Variants in SLC25A18 observed in about 807,000 individuals in gnomAD.
The protein encoded by SLC25A18 is mitochondrial glutamate carrier 2.
In SLC25A18, 24 loss-of-function variants were observed where a neutral mutation model predicts 31.1. The observed-to-expected ratio is 0.77, with a 90% CI of 0.56 to 1.08. SLC25A18 has a LOEUF of 1.08. Ranked by LOEUF, SLC25A18 falls within the 50% of genes least tolerant of loss-of-function variation. SLC25A18 has a pLI of 0.00. For synonymous variants in SLC25A18, 173 were observed against 161.9 expected (o/e 1.07, Z -0.52); for missense variants, 371 against 418.5 (o/e 0.89, Z 0.99).
intron 6 of SLC25A18, 139 bp from the exon 7 acceptor site, chr22:17,583,277 G>T (rs890379541): frequency 5.0e-6 from 5 of 1,000,034 alleles, no homozygotes; most frequent in Non-Finnish European, 7.5e-6. Flanking sequence ...ACACCTAAGG[G>T]CTAGCTGATG....
At chr22:17,564,138 C>T (rs116174010) in intron 1 of SLC25A18, among the ~76,000 whole-genome samples, 2,103 of 152,274 alleles carry the variant, frequency 0.014, 63 homozygotes, top group African/African-American at 0.049. Context: ...AAATGCAGCG[C>T]AAGTAATTAT....
At chr22:17,589,898 G>T (rs2057670083) in intron 10 of SLC25A18, among the ~76,000 whole-genome samples, 197 bp from the exon 11 acceptor site, 2 of 152,148 alleles carry the variant, frequency 1.3e-5, no homozygotes, top group African/African-American at 4.8e-5. Flanking sequence ...TGTTTCCAAG[G>T]CCTTGACCCA....
At chr22:17,585,729 A>G (rs764205955) in intron 7 of SLC25A18, among the ~76,000 whole-genome samples, 2 of 150,326 alleles carry the variant, frequency 1.3e-5, no homozygotes, top group Non-Finnish European at 3.0e-5. Flanking sequence ...GCTCACTACA[A>G]CCTCTGCCTC....
chr22:17,572,497 A>T (rs1347311966), intron 2 of SLC25A18, among the ~76,000 whole-genome samples: 1 of 151,128 alleles, frequency 6.6e-6, no homozygotes, highest in East Asian at 2.0e-4. Context: ...AAAAAAAAAA[A>T]AAGAATCACT....
rs745834962 is a variant in SLC25A18, at chr22:17,590,271, CCTCT to C, written c.*40_*43del. The C allele has an allele frequency of 6.2e-7, 1 of 1,613,316 alleles. No individual in the cohort carries two copies. The highest frequency in any genetic ancestry group is 1.1e-5 in the South Asian group (1 of 91,024). ...GAGGTCAAGTCCCTGCGCTTGCCGC[CCTCT>C]CTCTAGCTGTTTCACTTAGCCTAGA... is the stretch of plus-strand genomic sequence containing the variant. On this transcript the variant is annotated 3_prime_UTR_variant, in exon 11 of 11. Transcript: ENST00000327451.
chr22:17,582,642 C>G lies in SLC25A18; in HGVS notation c.279C>G (p.Leu93=). Residue 93 remains leucine, a synonymous_variant, in exon 6 of 11, where the codon CTC becomes CTG. Transcript: ENST00000327451. ...CCAACGACTTTTTCCGGCGGCTGCTCATGGAAGATGGGTATGGCCAGGTGG... is the reference window on the plus strand; with the variant it reads ...CCAACGACTTTTTCCGGCGGCTGCTGATGGAAGATGGGTATGGCCAGGTGG... The part of the protein sequence containing the change: ...LAANDFFRRL[L]MEDGMQRNLK... The G allele has an allele frequency of 6.2e-7, 1 of 1,602,664 alleles. No individual in the cohort carries two copies. The highest frequency in any genetic ancestry group is 8.5e-7 in the Non-Finnish European group (1 of 1,174,112).
chr22:17,577,344 G>T (rs1391760262), intron 2 of SLC25A18, among the ~76,000 whole-genome samples: 1 of 151,380 alleles, frequency 6.6e-6, no homozygotes, highest in Non-Finnish European at 1.5e-5. Context: ...TTTTAGTAGA[G>T]ATGGGGTTTC....
intron 2 of SLC25A18, among the ~76,000 whole-genome samples, chr22:17,578,223 A>C (rs2057283597): frequency 6.6e-6 from 1 of 152,146 alleles, no homozygotes; most frequent in Non-Finnish European, 1.5e-5. Context: ...CACCCGCCTC[A>C]GCCTCCCAAA....
intron 5 of SLC25A18, chr22:17,582,068 T>C (rs1017894721): frequency 1.3e-5 from 2 of 152,900 alleles, no homozygotes; most frequent in African/African-American, 2.4e-5. Flanking sequence ...AAGAAAAAAA[T>C]ACGTAAAAAG....
At chr22:17,568,587 A>T (rs2057002453) in intron 1 of SLC25A18, among the ~76,000 whole-genome samples, 1 of 98,868 alleles carries the variant, frequency 1.0e-5, no homozygotes, top group African/African-American at 4.2e-5. Context: ...TTTTTGAGAC[A>T]GTCTCACTCT....
At chr22:17,582,315 T>G (rs1288426814) in intron 5 of SLC25A18, 12 of 296,942 alleles carry the variant, frequency 4.0e-5, no homozygotes, top group Admixed American at 1.5e-4. Context: ...GGCGGAGCTT[T>G]CAGTGCGCCG....
intron 9 of SLC25A18, chr22:17,588,475 C>T (rs1386468334): frequency 5.4e-6 from 1 of 185,232 alleles, no homozygotes; most frequent in Admixed American, 6.1e-5. Flanking sequence ...GGTGAAACCC[C>T]GTCTCTACTA....
Position 17,581,402 on chromosome 22 carries a change from G to A in SLC25A18, c.188G>A (p.Gly63Asp), listed in dbSNP as rs1327740866. 1.2e-6 allele frequency: 2 copies of A among 1,613,980 alleles called. No homozygotes were observed. Among genetic ancestry groups the A allele is most frequent in the East Asian group, 4.5e-5 (2 of 44,892 alleles). The change falls in exon 5 of 11, where the codon GGC becomes GAC. Residue 63 changes from glycine (G) to aspartate (D), a missense_variant. By Grantham distance (94) the Gly-to-Asp change is moderately conservative. Coordinates refer to ENST00000327451, the MANE Select transcript of SLC25A18 (RefSeq NM_031481.3). ...MKTARAEGFFGMYRGAAVNLT... is the reference protein window; with the variant it reads ...MKTARAEGFFDMYRGAAVNLT... ...ACGGCTCGGGCGGAGGGCTTCTTCG[G>A]CATGTACCGAGGTGGGCTTCTCAGG...
At chr22:17,568,917 C>G (rs898862163) in intron 1 of SLC25A18, among the ~76,000 whole-genome samples, 1 of 151,544 alleles carries the variant, frequency 6.6e-6, no homozygotes, top group Non-Finnish European at 1.5e-5. Flanking sequence ...AGAATGTTAG[C>G]ACAGGTCTTT....
intron 2 of SLC25A18, among the ~76,000 whole-genome samples, chr22:17,572,485 CA>C (rs695683): frequency 0.033 from 4,427 of 132,750 alleles, 85 homozygotes; most frequent in Middle Eastern, 0.087. Context: ...AACTCCATCT[CA>C]AAAAAAAAAA....
rs2146288065 is a variant in SLC25A18 at position 17,590,477 on chromosome 22, T to C, written c.*241T>C. 2 of 434,496 alleles carry C rather than the reference T, an allele frequency of 4.6e-6. No homozygotes were observed. The highest frequency in any genetic ancestry group is 6.9e-5 in the East Asian group (2 of 29,152). 26.9% of individuals were successfully genotyped at this position (434,496 alleles called of 1,614,324 possible). The stretch of plus-strand genomic sequence containing the variant: ...GCTACCAGGGGCTTTTGGAAGCCCC[T>C]AACCACCTACTTTTCAACAAAAATG... On this transcript the variant is annotated 3_prime_UTR_variant, in exon 11 of 11. Coordinates refer to ENST00000327451, the MANE Select transcript of SLC25A18 (RefSeq NM_031481.3).
At chr22:17,577,713 T>C (rs1251804239) in intron 2 of SLC25A18, among the ~76,000 whole-genome samples, 1 of 149,684 alleles carries the variant, frequency 6.7e-6, no homozygotes, top group Non-Finnish European at 1.5e-5. Flanking sequence ...CCTGAGTAGC[T>C]GGGACTACAT....
chr22:17,581,532 T>A, intron 5 of SLC25A18, 119 bp downstream of exon 5: 1 of 1,121,934 alleles, frequency 8.9e-7, no homozygotes, highest in Non-Finnish European at 1.3e-6. Context: ...GGGTCCTTCC[T>A]GATGAGCCTC....
intron 2 of SLC25A18, among the ~76,000 whole-genome samples, chr22:17,576,454 G>A (rs2057232641): frequency 6.6e-6 from 1 of 152,176 alleles, no homozygotes; most frequent in Admixed American, 6.5e-5. Context: ...TTCCCCAGCT[G>A]TGTCCCTGCT....
Sources: gnomAD v4.1 joint callset for allele counts (sites outside exome capture counted in the v4.1 genomes callset) on GRCh38, gnomAD v4.1.1 for gene constraint, MANE v1.5 for transcripts, NCBI Gene and HGNC (gene_info 2026-07-23, HGNC 2026-07-21) for gene names.